The following PTPRD variants were observed in gnomAD, a reference collection of about 807,000 sequenced individuals.
The protein encoded by PTPRD is receptor-type tyrosine-protein phosphatase delta.
PTPRD carries 34 observed loss-of-function variants against 214.5 expected under a neutral mutation model. The ratio of observed to expected loss-of-function variants is 0.16; its 90% CI spans 0.12 to 0.21. The LOEUF is 0.21. PTPRD is among the 10% of genes least tolerant of loss of function. The pLI, the probability that PTPRD is intolerant of heterozygous loss-of-function variation, is 1.00. For synonymous variants in PTPRD, 1,128 were observed against 845.7 expected (o/e 1.33, Z -5.79); for missense variants, 2,545 against 2,398.7 (o/e 1.06, Z -1.27).
At chr9:8,980,160 T>C (rs1182681242) in intron 11 of PTPRD, among the ~76,000 whole-genome samples, 5 of 151,962 alleles carry the variant, frequency 3.3e-5, no homozygotes, top group Admixed American at 1.3e-4. Flanking sequence ...ATCTCACATA[T>C]GTGAATTTTT....
intron 11 of PTPRD, chr9:8,860,995 A>G (rs1586813351): frequency 6.6e-6 from 1 of 152,224 alleles, no homozygotes; most frequent in African/African-American, 2.4e-5. Context: ...TATGAAGGAA[A>G]AATGAAGCAA....
At chr9:9,159,834 T>C (rs2099884880) in intron 10 of PTPRD, among the ~76,000 whole-genome samples, 1 of 152,146 alleles carries the variant, frequency 6.6e-6, no homozygotes, top group Non-Finnish European at 1.5e-5. Flanking sequence ...AAAAATCTCA[T>C]GGCACTGGCA....
chr9:10,046,452 T>C (rs2097397966), intron 3 of PTPRD, among the ~76,000 whole-genome samples: 1 of 151,872 alleles, frequency 6.6e-6, no homozygotes, highest in Non-Finnish European at 1.5e-5. Flanking sequence ...ACTAATCCTG[T>C]AATCTTTTTT....
intron 11 of PTPRD, among the ~76,000 whole-genome samples, chr9:8,735,785 A>G (rs1476085537): frequency 6.6e-6 from 1 of 151,766 alleles, no homozygotes; most frequent in African/African-American, 2.4e-5. Context: ...GGTGGTGCAT[A>G]CCTGTAATCC....
intron 9 of PTPRD, among the ~76,000 whole-genome samples, chr9:9,268,096 A>G (rs1940960425): frequency 6.6e-6 from 1 of 151,138 alleles, no homozygotes; most frequent in African/African-American, 2.4e-5. Context: ...GTTTTTGATG[A>G]TATAATCTTA....
At chr9:8,941,951 G>A (rs917033103) in intron 11 of PTPRD, among the ~76,000 whole-genome samples, 5 of 152,150 alleles carry the variant, frequency 3.3e-5, no homozygotes, top group Middle Eastern at 3.4e-3. Context: ...GATTACAGGC[G>A]CCCACTACCA....
At chr9:8,949,090 G>A (rs1012722331) in intron 11 of PTPRD, among the ~76,000 whole-genome samples, 1 of 151,704 alleles carries the variant, frequency 6.6e-6, no homozygotes, top group Non-Finnish European at 1.5e-5. Context: ...TGGGTGTAGT[G>A]GCGGGCACCT....
At chr9:10,104,151 C>G (rs1167930945) in intron 3 of PTPRD, among the ~76,000 whole-genome samples, 2 of 151,422 alleles carry the variant, frequency 1.3e-5, no homozygotes, top group African/African-American at 4.8e-5. Context: ...ATGGTGGGTG[C>G]CAGGGGCTGG....
rs1490222760 is a variant in PTPRD at position 8,896,012 on chromosome 9, T to C, written c.-104+122685A>G. On this transcript the variant is annotated intron_variant, in intron 11 of 45. Coordinates refer to ENST00000381196, the MANE Select transcript of PTPRD (RefSeq NM_002839.4). The stretch of plus-strand genomic sequence containing the variant: ...TCAAGAGAGCTATTTAAAACTCCAG[T>C]TGCTCTTTTAAATCTGACACACTTG... Among the ~76,000 whole-genome samples the C allele has an allele frequency of 2.6e-5, 4 of 152,198 alleles. No homozygotes were observed. The East Asian group carries it at 7.7e-4, about 29-fold the overall frequency.
At chr9:9,694,572 T>C (rs1383172550) in intron 7 of PTPRD, among the ~76,000 whole-genome samples, 1 of 152,140 alleles carries the variant, frequency 6.6e-6, no homozygotes, top group South Asian at 2.1e-4. Flanking sequence ...GTTCCAGGAA[T>C]GTCCAGAGAT....
At chr9:8,519,665 T>TA (rs1220828072) in intron 20 of PTPRD, among the ~76,000 whole-genome samples, 2 of 152,220 alleles carry the variant, frequency 1.3e-5, no homozygotes, top group African/African-American at 4.8e-5. Flanking sequence ...TGAGAATCGT[T>TA]AAACAGTTAA....
intron 14 of PTPRD, among the ~76,000 whole-genome samples, chr9:8,623,240 C>T (rs186081263): frequency 1.3e-5 from 2 of 151,940 alleles, no homozygotes; most frequent in Admixed American, 1.3e-4. Context: ...CAAAGCCATG[C>T]CCTTATGGAA....
chr9:10,017,817 T>C (rs148041010), intron 4 of PTPRD, among the ~76,000 whole-genome samples: 1 of 152,100 alleles, frequency 6.6e-6, no homozygotes, highest in South Asian at 2.1e-4. Flanking sequence ...TTCAAGAATG[T>C]CTTGATGAAA....
chr9:10,049,451 A>C lies in PTPRD; in HGVS notation c.-544-15661T>G, dbSNP rs561053632. On this transcript the variant is annotated intron_variant, in intron 3 of 45. Transcript: ENST00000381196. The stretch of plus-strand genomic sequence containing the variant: ...AGAAAGAAAGAAAAGAAAAAAAAAA[A>C]CCCTTCTATATGTGTGTAGAACACA... Among the ~76,000 whole-genome samples, 702 of 127,880 alleles carry C rather than the reference A, an allele frequency of 5.5e-3. 7 individuals carry two copies. The highest frequency in any genetic ancestry group is 0.015 in the Middle Eastern group (4 of 272). The allele number at this position is 127,880 out of a possible 152,430, so 83.9% of individuals were successfully genotyped here.
intron 11 of PTPRD, among the ~76,000 whole-genome samples, chr9:8,983,584 C>T (rs2099324903): frequency 1.3e-5 from 2 of 151,172 alleles, no homozygotes; most frequent in African/African-American, 4.9e-5. Flanking sequence ...TCACACATCA[C>T]TGCAACCTTG....
intron 3 of PTPRD, among the ~76,000 whole-genome samples, chr9:10,072,448 G>A (rs960350152): frequency 2.6e-5 from 4 of 152,052 alleles, no homozygotes; most frequent in African/African-American, 9.7e-5. Flanking sequence ...CTTCAAGATG[G>A]CACGAACCCA....
At chr9:10,174,234 T>C (rs2099231385) in intron 3 of PTPRD, among the ~76,000 whole-genome samples, 1 of 152,174 alleles carries the variant, frequency 6.6e-6, no homozygotes, top group Non-Finnish European at 1.5e-5. Flanking sequence ...TTATGGGAGA[T>C]GTTTGGGTCC....
chr9:9,839,970 G>A (rs4742629), intron 5 of PTPRD, among the ~76,000 whole-genome samples: 24,361 of 151,850 alleles, frequency 0.16, 2,052 homozygotes, highest in Non-Finnish European at 0.19. Context: ...TAAAAATAAC[G>A]AAAAGTCATA....
At chr9:8,998,434 G>GT (rs1243159275) in intron 11 of PTPRD, among the ~76,000 whole-genome samples, 2 of 151,990 alleles carry the variant, frequency 1.3e-5, no homozygotes, top group African/African-American at 2.4e-5. Flanking sequence ...GAGCACATCT[G>GT]TTTAGCAGCA....
Sources: allele counts gnomAD v4.1 joint callset (sites outside exome capture counted in the v4.1 genomes callset), GRCh38; gene constraint gnomAD v4.1.1; transcripts MANE v1.5; gene names NCBI Gene and HGNC (gene_info 2026-07-23, HGNC 2026-07-21).